Variants in SUPT6H observed in about 807,000 individuals in gnomAD.
The protein encoded by SUPT6H is transcription elongation factor SPT6.
In SUPT6H, 11 loss-of-function variants were observed where a neutral mutation model predicts 222.3. The ratio of observed to expected loss-of-function variants is 0.05; its 90% CI spans 0.03 to 0.08. The LOEUF (loss-of-function observed/expected upper bound fraction) is 0.08. Ranked by LOEUF, SUPT6H falls within the 10% of genes least tolerant of loss-of-function variation. The pLI is 1.00. For missense variants in SUPT6H, 1,422 were observed against 2,216.0 expected, an observed-to-expected ratio of 0.64 and a Z score of 7.19; for synonymous variants, 762 against 801.2, an observed-to-expected ratio of 0.95 and a Z score of 0.83.
Position 28,675,505 on chromosome 17 carries a change from AG to A in SUPT6H, c.623+22del. ...AGACGCGTGAGTGGGGTCTGGTACA[AG>A]GTGGGGATAAAGTGATTGAGTGGGC... is the stretch of plus-strand genomic sequence containing the variant. On this transcript the variant is annotated intron_variant, in intron 6 of 36. Coordinates refer to ENST00000314616, the MANE Select transcript of SUPT6H (RefSeq NM_003170.5). 1 of 1,613,562 alleles carries A rather than the reference AG, an allele frequency of 6.2e-7. No homozygotes were observed. The highest frequency in any genetic ancestry group is 8.5e-7 in the Non-Finnish European group (1 of 1,179,512).
intron 26 of SUPT6H, among the ~76,000 whole-genome samples, 182 bp downstream of exon 26, chr17:28,690,411 G>A (rs2031586104): frequency 6.6e-6 from 1 of 152,206 alleles, no homozygotes; most frequent in African/African-American, 2.4e-5. Flanking sequence ...AAGGTCAAAT[G>A]TGCTTCCAGT....
Position 28,674,983 on chromosome 17 carries a change from G to A in SUPT6H, c.359G>A (p.Arg120His). Residue 120 changes from arginine (R) to histidine (H), a missense_variant, in exon 5 of 37, where the codon CGT (arginine) becomes CAT (histidine). Around this residue, in one of 13 missense-constraint regions of SUPT6H, gnomAD observed 389 missense variants for 544.6 expected, o/e 0.71. Transcript: ENST00000314616. ...TCCCACCCCTAGCAAAAGTACCGGC[G>A]TGTCAAAAAAATGTCAGATGACGAG... ...VKVKRGQKYR[R>H]VKKMSDDEDD... is the part of the protein sequence containing the mutation. The A allele has an allele frequency of 6.2e-7, 1 of 1,613,964 alleles. No homozygotes were observed. The highest frequency in any genetic ancestry group is 8.5e-7 in the Non-Finnish European group (1 of 1,179,954).
At chr17:28,698,111 C>T in intron 32 of SUPT6H, 81 bp downstream of exon 32, 1 of 1,496,080 alleles carries the variant, frequency 6.7e-7, no homozygotes, top group Non-Finnish European at 8.9e-7. Context: ...GAGCAGTGCC[C>T]TCTCTGGCTC....
chr17:28,689,971 C>T, intron 25 of SUPT6H, 111 bp from the exon 26 acceptor site: 1 of 1,331,204 alleles, frequency 7.5e-7, no homozygotes, highest in Admixed American at 2.3e-5. Flanking sequence ...AAAGAAGAAG[C>T]CCTGACAGAA....
chr17:28,682,641 C>G (rs1196162137), intron 13 of SUPT6H, 86 bp from the exon 14 acceptor site: 9 of 1,542,622 alleles, frequency 5.8e-6, no homozygotes, highest in Admixed American at 5.7e-5. Context: ...AAGGCTAGTT[C>G]CCAGAATTCC....
intron 32 of SUPT6H, among the ~76,000 whole-genome samples, chr17:28,698,260 T>C (rs977092611): frequency 1.3e-5 from 2 of 151,712 alleles, no homozygotes; most frequent in Non-Finnish European, 2.9e-5. Context: ...GAGAAAGGAG[T>C]TCCCTTCACC....
At chr17:28,678,703 A>C (rs567187529) in intron 10 of SUPT6H, 69 bp downstream of exon 10, 2 of 1,611,344 alleles carry the variant, frequency 1.2e-6, no homozygotes, top group East Asian at 4.5e-5. Context: ...GGATACCACA[A>C]ACCCAAACCC....
At chr17:28,689,683 C>T in intron 25 of SUPT6H, 122 bp downstream of exon 25, 5 of 938,612 alleles carry the variant, frequency 5.3e-6, no homozygotes, top group Non-Finnish European at 8.1e-6. Context: ...ACTTGATCCT[C>T]ATCTCCCTGC....
At chr17:28,670,959 G>T (rs1218553400) in intron 1 of SUPT6H, 1 of 152,056 alleles carries the variant, frequency 6.6e-6, no homozygotes, top group Non-Finnish European at 1.5e-5. Context: ...GTACATTGTA[G>T]GCATTCAGTT....
rs536279076 is a variant in SUPT6H, at chr17:28,701,875, G to A, written c.*250G>A. On this transcript the variant is annotated 3_prime_UTR_variant, in exon 37 of 37. Transcript: ENST00000314616. ...CCTGGGACCAGGCTGGGAGGGGAGT[G>A]TGGCAGGGAGGAGGAAGAGGAAGGT... 3 of 507,000 alleles carry A rather than the reference G, an allele frequency of 5.9e-6. No individual in the cohort carries two copies. In the South Asian group the frequency reaches 1.0e-4, roughly 17 times the overall value. The allele number at this position is 507,000 out of a possible 1,614,324, so 31.4% of individuals were successfully genotyped here.
intron 28 of SUPT6H, among the ~76,000 whole-genome samples, chr17:28,694,083 T>C (rs547303121): frequency 6.6e-6 from 1 of 152,382 alleles, no homozygotes; most frequent in South Asian, 2.1e-4. Flanking sequence ...GAGAGGGCTC[T>C]TCCTGTGTGG....
intron 6 of SUPT6H, 80 bp downstream of exon 6, chr17:28,675,565 C>CA: frequency 6.9e-7 from 1 of 1,455,736 alleles, no homozygotes; most frequent in Non-Finnish European, 9.6e-7. Flanking sequence ...AGGCCTTTGC[C>CA]AAAAATGGGG....
At chr17:28,665,295 A>G (rs2029947534) in intron 1 of SUPT6H, among the ~76,000 whole-genome samples, 1 of 152,164 alleles carries the variant, frequency 6.6e-6, no homozygotes, top group Non-Finnish European at 1.5e-5. Context: ...TTGACATCTC[A>G]GCCTAAGTAA....
At position 28,688,062 on chromosome 17, in the gene SUPT6H, C is replaced by G. The variant is rs1288361767; in HGVS notation, c.3007-29C>G. 2 of 1,584,542 alleles carry G rather than the reference C, an allele frequency of 1.3e-6. No homozygotes were observed. The highest frequency in any genetic ancestry group is 1.7e-6 in the Non-Finnish European group (2 of 1,163,130). On this transcript the variant is annotated intron_variant, in intron 23 of 36. Transcript: ENST00000314616. The surrounding 1 kb of genome is among the most constrained non-coding windows in gnomAD (Gnocchi z 4.3). ...CTGGGGAGGTGGGGCCTGCTTACTG[C>G]CCTGGCTCAGTCCAGCTCTCTCCCC...
chr17:28,683,127 C>T (rs758554512), intron 15 of SUPT6H, 35 bp downstream of exon 15: 3 of 1,567,896 alleles, frequency 1.9e-6, no homozygotes, highest in Non-Finnish European at 1.7e-6. Flanking sequence ...CCAAGATGTG[C>T]ACCAGCTCTT....
At chr17:28,697,587 A>G (rs2031979839) in intron 30 of SUPT6H, 33 bp from the exon 31 acceptor site, 1 of 1,561,520 alleles carries the variant, frequency 6.4e-7, no homozygotes, top group Non-Finnish European at 8.8e-7. Flanking sequence ...AGCTCTGGAT[A>G]TGACACATGG....
chr17:28,667,405 G>GTA (rs59286877), intron 1 of SUPT6H, among the ~76,000 whole-genome samples: 783 of 49,228 alleles, frequency 0.016, 26 homozygotes, highest in East Asian at 0.053. Context: ...GTGTGTGTGT[G>GTA]TATATATATA....
In SUPT6H at chr17:28,682,859, A is replaced by G. The variant is rs1386921088; in HGVS notation, c.1727+3A>G. On this transcript the variant is annotated splice_donor_region_variant and intron_variant, in intron 14 of 36. Coordinates refer to ENST00000314616, the MANE Select transcript of SUPT6H (RefSeq NM_003170.5). ...CTGGCCAAGGATTACGTTTGCAGGT[A>G]GGCATGCAGCAGGTGGCTGACAGGA... 9 of 1,614,154 alleles carry G rather than the reference A, an allele frequency of 5.6e-6. No homozygotes were observed. The highest frequency in any genetic ancestry group is 1.7e-5 in the Admixed American group (1 of 60,016).
rs776160861 is a variant in SUPT6H, at chr17:28,678,936, G to A, written c.1322G>A (p.Arg441Gln). Residue 441 changes from arginine (R) to glutamine (Q), a missense_variant, in exon 11 of 37, where the codon CGG becomes CAG. Physicochemically the swap from Arg to Gln is conservative, Grantham distance 43. This residue lies in a region of SUPT6H where 389 missense variants were observed against 544.6 expected (regional missense o/e 0.71). Transcript: ENST00000314616. ...DPDKPLADGI[R>Q]ALDTTDMERL... ...GACAAACCTCTTGCTGATGGCATCC[G>A]GGCTCTGGACACCACTGACATGGAG... The A allele has an allele frequency of 1.9e-6, 3 of 1,614,032 alleles. No homozygotes were observed. Among genetic ancestry groups the A allele is most frequent in the African/African-American group, 1.3e-5 (1 of 74,900 alleles).
Sources: gnomAD v4.1 joint callset for allele counts (sites outside exome capture counted in the v4.1 genomes callset) on GRCh38, gnomAD v4.1.1 for gene constraint, gnomAD v4.1.1 regional missense constraint, Gnocchi (gnomAD v3.1) non-coding constraint, MANE v1.5 for transcripts, NCBI Gene and HGNC (gene_info 2026-07-23, HGNC 2026-07-21) for gene names.